Variants in TET2 observed in about 807,000 individuals in gnomAD.
TET2 encodes the protein methylcytosine dioxygenase TET2.
In TET2, 299 loss-of-function variants were observed where a neutral mutation model predicts 142.9. The ratio of observed to expected loss-of-function variants is 2.09; its 90% confidence interval spans 1.90 to 2.30. TET2 has a LOEUF of 2.30. TET2 is among the 30% of genes most tolerant of loss of function. The probability of loss-of-function intolerance (pLI) is 0.00; values close to 1 mark genes in which losing one functional copy is unlikely to be tolerated. For synonymous variants in TET2, 819 were observed against 849.0 expected (o/e 0.96, Z 0.61); for missense variants, 2,418 against 2,378.0 (o/e 1.02, Z -0.35).
intron 2 of TET2, among the ~76,000 whole-genome samples, chr4:105,230,447 A>G (rs1345126387): frequency 6.6e-6 from 1 of 152,224 alleles, no homozygotes; most frequent in Admixed American, 6.5e-5. Flanking sequence ...TTGACTCTCA[A>G]AAGCCACATG....
rs1728707381 is a variant in TET2, at chr4:105,234,458, T to C, written c.516T>C (p.Ser172=). ...CCAGTTTTTCAACACATAACTGCAG[T>C]GGGCCTGAAAATCCAGAGCTTCAGA... ...DFTSFSTHNC[S]GPENPELQIL... is the part of the protein sequence containing the mutation. Residue 172 remains serine (S), a synonymous_variant, in exon 3 of 11, where the codon AGT becomes AGC. Coordinates refer to ENST00000380013, the MANE Select transcript of TET2 (RefSeq NM_001127208.3). 1 of 1,613,892 alleles carries C rather than the reference T, an allele frequency of 6.2e-7. No homozygotes were observed. The highest frequency in any genetic ancestry group is 1.1e-5 in the South Asian group (1 of 91,076).
At chr4:105,220,274 A>AT (rs1182441816) in intron 2 of TET2, among the ~76,000 whole-genome samples, 3 of 151,780 alleles carry the variant, frequency 2.0e-5, no homozygotes, top group Admixed American at 6.6e-5. Flanking sequence ...AAATGAAAGT[A>AT]TTTTTTTTCT....
rs1036657650 is a variant in TET2, at chr4:105,241,146, A to G, written c.3410-193A>G. ...AATATATTTTTATCCAACAACCAGC[A>G]TGTACATATACTTAATTATGTGGCA... On this transcript the variant is annotated intron_variant, in intron 3 of 10. Transcript: ENST00000380013. 5.0e-6 allele frequency: 6 copies of G among 1,202,126 alleles called. No homozygotes were observed. In the South Asian group the frequency reaches 9.7e-5, roughly 19 times the overall value. 74.5% of individuals were successfully genotyped at this position (1,202,126 alleles called of 1,614,324 possible).
At position 105,276,345 on chromosome 4, in the gene TET2, T is replaced by A. The variant is rs1482128139; in HGVS notation, c.5835T>A (p.His1945Gln). Residue 1945 changes from histidine to glutamine, a missense_variant, in exon 11 of 11, where the codon CAT (histidine) becomes CAA (glutamine). By Grantham distance (24) the His-to-Gln change is conservative. Coordinates refer to ENST00000380013, the MANE Select transcript of TET2 (RefSeq NM_001127208.3). ...CAGACTATGTGCCTCAGAAATCCCA[T>A]GGCAAAAAAGTGAAACGGGAGCCTG... ...YGPDYVPQKS[H>Q]GKKVKREPAE... 1 of 1,551,614 alleles carries A rather than the reference T, an allele frequency of 6.4e-7. No individual in the cohort carries two copies.
At chr4:105,201,881 A>G (rs2110514247) in intron 2 of TET2, among the ~76,000 whole-genome samples, 1 of 151,372 alleles carries the variant, frequency 6.6e-6, no homozygotes, top group African/African-American at 2.4e-5. Flanking sequence ...AGCTGAGACC[A>G]CAGGGGCATG....
intron 6 of TET2, among the ~76,000 whole-genome samples, chr4:105,245,332 A>T (rs931770032): frequency 3.2e-4 from 46 of 144,380 alleles, no homozygotes; most frequent in East Asian, 1.0e-3. Context: ...TTAAGCATAA[A>T]TTTTTTTTTT....
intron 8 of TET2, among the ~76,000 whole-genome samples, chr4:105,267,613 T>TA (rs1730749488): frequency 3.3e-5 from 5 of 149,764 alleles, no homozygotes; most frequent in Admixed American, 2.7e-4. Context: ...AAAATGTTTT[T>TA]AAAAATATAT....
In TET2 at chr4:105,236,896, C is replaced by G. The variant is rs1176209879; in HGVS notation, c.2954C>G (p.Pro985Arg). The change falls in exon 3 of 11, where the codon CCT becomes CGT. Residue 985 changes from proline (P) to arginine (R), a missense_variant. Physicochemically the swap from Pro to Arg is moderately radical, Grantham distance 103. Transcript: ENST00000380013. Reference protein sequence around the residue: ...SQMHRPIKVEPGCKPHACMHT... With the variant: ...SQMHRPIKVERGCKPHACMHT... ...ATGCACAGGCCAATTAAGGTGGAAC[C>G]TGGATGCAAGCCACATGCCTGTATG... 1 of 1,614,114 alleles carries G rather than the reference C, an allele frequency of 6.2e-7. No individual in the cohort carries two copies. Among genetic ancestry groups the G allele is most frequent in the East Asian group, 2.2e-5 (1 of 44,866 alleles).
chr4:105,175,336 A>C (rs996102115), intron 1 of TET2, among the ~76,000 whole-genome samples: 1 of 152,190 alleles, frequency 6.6e-6, no homozygotes, highest in Non-Finnish European at 1.5e-5. Context: ...AAAATGACAT[A>C]CAAGAACAGA....
At chr4:105,165,676 T>C (rs1037059317) in intron 1 of TET2, among the ~76,000 whole-genome samples, 12 of 152,220 alleles carry the variant, frequency 7.9e-5, no homozygotes, top group African/African-American at 2.9e-4. Context: ...CTGATGATTA[T>C]TGCCATGTAT....
chr4:105,176,020 G>C (rs1724771867), intron 1 of TET2, among the ~76,000 whole-genome samples: 1 of 152,112 alleles, frequency 6.6e-6, no homozygotes, highest in Non-Finnish European at 1.5e-5. Context: ...AAAATTTCAG[G>C]AATTTGTTGC....
At chr4:105,208,638 C>T (rs1208864938) in intron 2 of TET2, among the ~76,000 whole-genome samples, 1 of 152,080 alleles carries the variant, frequency 6.6e-6, no homozygotes, top group East Asian at 1.9e-4. Context: ...TGAGCATGCG[C>T]AGCTTTACTT....
intron 3 of TET2, chr4:105,237,826 G>A: frequency 1.0e-5 from 11 of 1,099,086 alleles, no homozygotes; most frequent in Non-Finnish European, 1.2e-5. Context: ...ATTATCTTCA[G>A]TCTTCATGAG....
chr4:105,274,156 T>TTAGA (rs1227635514), intron 10 of TET2, among the ~76,000 whole-genome samples: 1 of 152,232 alleles, frequency 6.6e-6, no homozygotes, highest in Non-Finnish European at 1.5e-5. Flanking sequence ...TGAAATATAA[T>TTAGA]TAGATAGAAC....
At chr4:105,272,506 C>T (rs1731012507) in intron 9 of TET2, 58 bp from the exon 10 acceptor site, 1 of 1,180,110 alleles carries the variant, frequency 8.5e-7, no homozygotes, top group Non-Finnish European at 1.2e-6. Flanking sequence ...TACACACACA[C>T]ACACACGTTT....
intron 6 of TET2, among the ~76,000 whole-genome samples, chr4:105,258,366 CTT>C (rs1730246161): frequency 6.6e-6 from 1 of 152,120 alleles, no homozygotes; most frequent in Admixed American, 6.6e-5. Context: ...CTTTACAGGA[CTT>C]TTCCTCATCA....
Position 105,235,054 on chromosome 4 carries a change from T to G in TET2, c.1112T>G (p.Leu371Ter), listed in dbSNP as rs1380668132. ...QAPGGSSERY[L>*]KQNEMNGAYF... ...CCTGGTGGCAGCTCTGAACGGTATT[T>G]AAAACAAAATGAAATGAATGGTGCT... Residue 371 changes from leucine to a stop codon, truncating the protein, a stop_gained, in exon 3 of 11, where the codon TTA becomes TGA. Transcript: ENST00000380013. LOFTEE classifies it high-confidence loss of function. The G allele has an allele frequency of 1.2e-6, 2 of 1,613,966 alleles. No homozygotes were observed. Among genetic ancestry groups the G allele is most frequent in the Non-Finnish European group, 1.7e-6 (2 of 1,180,016 alleles).
intron 2 of TET2, among the ~76,000 whole-genome samples, chr4:105,201,245 A>T (rs1275493629): frequency 6.6e-6 from 1 of 152,160 alleles, no homozygotes; most frequent in East Asian, 1.9e-4. Context: ...AACCTATTAA[A>T]CAAAATTATC....
chr4:105,204,232 TATACACACAC>T (rs1400534294), intron 2 of TET2, among the ~76,000 whole-genome samples: 12 of 107,744 alleles, frequency 1.1e-4, no homozygotes, highest in South Asian at 2.7e-4. Flanking sequence ...AAAAAAAATA[TATACACACAC>T]ACACACACAC....
Sources: gnomAD v4.1 joint callset for allele counts (sites outside exome capture counted in the v4.1 genomes callset) on GRCh38, gnomAD v4.1.1 for gene constraint, MANE v1.5 for transcripts, NCBI Gene and HGNC (gene_info 2026-07-23, HGNC 2026-07-21) for gene names.